Variants in TECPR2 observed in about 807,000 individuals in gnomAD.
TECPR2 encodes the protein tectonin beta-propeller repeat-containing protein 2.
Under a neutral mutation model 138.1 loss-of-function variants are expected in TECPR2, and 65 were observed. That is an observed-to-expected ratio of 0.47 (90% CI 0.39 to 0.58). The LOEUF is 0.58. Ranked by LOEUF, TECPR2 falls within the 20% of genes least tolerant of loss-of-function variation. The pLI, the probability that TECPR2 is intolerant of heterozygous loss-of-function variation, is 0.00. For synonymous variants in TECPR2, 746 were observed against 749.8 expected, an observed-to-expected ratio of 0.99 and a Z score of 0.08; for missense variants, 1,553 against 1,824.5, an observed-to-expected ratio of 0.85 and a Z score of 2.71.
At position 102,443,094 on chromosome 14, in the gene TECPR2, C is replaced by T. The variant is rs991654830; in HGVS notation, c.2753-553C>T. ...GCCGTGCTGGAGCTCTCTGCAGGAACGACTGCAGGCCTCAGGTCCCTGCCA... is the reference window on the plus strand; with the variant it reads ...GCCGTGCTGGAGCTCTCTGCAGGAATGACTGCAGGCCTCAGGTCCCTGCCA... On this transcript the variant is annotated intron_variant, in intron 11 of 19. Coordinates refer to ENST00000359520, the MANE Select transcript of TECPR2 (RefSeq NM_014844.5). The surrounding 1 kb of genome is among the most constrained non-coding windows in gnomAD (Gnocchi z 4.9). Among the ~76,000 whole-genome samples, 9 of 152,220 alleles carry T rather than the reference C, an allele frequency of 5.9e-5. No homozygotes were observed. Among genetic ancestry groups the T allele is most frequent in the African/African-American group, 2.2e-4 (9 of 41,466 alleles).
chr14:102,436,908 G>A (rs1889685132), intron 9 of TECPR2: 2 of 821,734 alleles, frequency 2.4e-6, no homozygotes, highest in Non-Finnish European at 2.9e-6. Flanking sequence ...GCAGACTGTC[G>A]GTGGGGTGGG....
chr14:102,498,949 C>CCACAGCACACCTCACCA lies in TECPR2; in HGVS notation c.*697_*713dup. On this transcript the variant is annotated 3_prime_UTR_variant, in exon 20 of 20. Transcript: ENST00000359520. ...CCATACCTCACCACATCTCACCACA[C>CCACAGCACACCTCACCA]CACAGCACACCTCACCACACAACAC... The CCACAGCACACCTCACCA allele has an allele frequency of 1.4e-6, 1 of 696,448 alleles. No individual in the cohort carries two copies. The highest frequency in any genetic ancestry group is 1.5e-5 in the South Asian group (1 of 66,684). The allele number at this position is 696,448 out of a possible 1,614,324, so 43.1% of individuals were successfully genotyped here.
At chr14:102,487,632 C>T (rs1026509100) in intron 17 of TECPR2, among the ~76,000 whole-genome samples, 2 of 152,170 alleles carry the variant, frequency 1.3e-5, no homozygotes, top group African/African-American at 2.4e-5. Context: ...AGCTCCGCCT[C>T]CCAGGTTCAC....
At chr14:102,498,026 C>CAAGCTCCCAGCTCCATCTGTGCCA in intron 19 of TECPR2, 77 bp from the exon 20 acceptor site, 1 of 1,558,388 alleles carries the variant, frequency 6.4e-7, no homozygotes, top group Admixed American at 1.8e-5. Flanking sequence ...GACCTGCGCC[C>CAAGCTCCCAGCTCCATCTGTGCCA]AAGCTCCCAG....
intron 17 of TECPR2, among the ~76,000 whole-genome samples, chr14:102,496,665 C>T (rs1567365718): frequency 6.6e-6 from 1 of 152,264 alleles, no homozygotes; most frequent in East Asian, 1.9e-4. Flanking sequence ...ACAGCCAGGT[C>T]CGCCGCATCT....
chr14:102,370,034 T>C (rs1887460988), intron 1 of TECPR2, among the ~76,000 whole-genome samples: 1 of 151,918 alleles, frequency 6.6e-6, no homozygotes, highest in Non-Finnish European at 1.5e-5. Flanking sequence ...CCCAAAGTAC[T>C]GGGATTACAG....
At chr14:102,440,008 T>G (rs574440533) in intron 10 of TECPR2, among the ~76,000 whole-genome samples, 2 of 152,254 alleles carry the variant, frequency 1.3e-5, no homozygotes, top group Non-Finnish European at 2.9e-5. Flanking sequence ...AAGGACTTTT[T>G]CAGCCTCTCC....
chr14:102,367,297 A>C (rs1465478438), intron 1 of TECPR2, among the ~76,000 whole-genome samples: 2 of 152,158 alleles, frequency 1.3e-5, no homozygotes, highest in Non-Finnish European at 2.9e-5. Context: ...TCACCCATTT[A>C]TATACAATTC....
intron 1 of TECPR2, among the ~76,000 whole-genome samples, chr14:102,371,214 G>A (rs984123584): frequency 2.0e-5 from 3 of 152,204 alleles, no homozygotes; most frequent in Admixed American, 1.3e-4. Context: ...AGACCTGGGG[G>A]TTGGGTGAGG....
At chr14:102,471,747 TCA>T (rs1890655766) in intron 17 of TECPR2, among the ~76,000 whole-genome samples, 1 of 152,150 alleles carries the variant, frequency 6.6e-6, no homozygotes, top group Admixed American at 6.5e-5. Flanking sequence ...GAATCTTCTC[TCA>T]TTTTTTCTTA....
chr14:102,400,255 G>T (rs767093103), intron 2 of TECPR2, among the ~76,000 whole-genome samples: 9 of 151,878 alleles, frequency 5.9e-5, no homozygotes, highest in Non-Finnish European at 1.2e-4. Flanking sequence ...CATGTTGGCC[G>T]GGCTGGTGTT....
chr14:102,476,854 A>G (rs1238139960), intron 17 of TECPR2, among the ~76,000 whole-genome samples: 1 of 151,952 alleles, frequency 6.6e-6, no homozygotes, highest in African/African-American at 2.4e-5. Flanking sequence ...CAGGAGTTCA[A>G]GACCAGCCTA....
chr14:102,402,499 G>GA (rs1888520320), intron 2 of TECPR2, among the ~76,000 whole-genome samples: 1 of 151,674 alleles, frequency 6.6e-6, no homozygotes, highest in Non-Finnish European at 1.5e-5. Flanking sequence ...AGAAAAGGAA[G>GA]AAAAACTAAA....
At chr14:102,490,638 T>C (rs1054826684) in intron 17 of TECPR2, among the ~76,000 whole-genome samples, 2 of 152,306 alleles carry the variant, frequency 1.3e-5, no homozygotes, top group Non-Finnish European at 2.9e-5. Flanking sequence ...GCGTCTGCTC[T>C]GAAAAGGTCC....
chr14:102,397,948 A>C (rs1416945508), intron 2 of TECPR2, among the ~76,000 whole-genome samples: 1 of 149,022 alleles, frequency 6.7e-6, no homozygotes, highest in Non-Finnish European at 1.5e-5. Context: ...TGGCACAAGC[A>C]TGTAGTCTCA....
At chr14:102,481,917 G>C (rs746856685) in intron 17 of TECPR2, among the ~76,000 whole-genome samples, 1 of 152,192 alleles carries the variant, frequency 6.6e-6, no homozygotes, top group Non-Finnish European at 1.5e-5. Context: ...TGCTTCCTGG[G>C]CACGGGCCTT....
chr14:102,389,408 AAG>A (rs1888105817), intron 2 of TECPR2, among the ~76,000 whole-genome samples: 1 of 152,210 alleles, frequency 6.6e-6, no homozygotes, highest in Non-Finnish European at 1.5e-5. Flanking sequence ...ACTAGTGGAA[AAG>A]AGGAAGCAAA....
At position 102,496,988 on chromosome 14, in the gene TECPR2, G is replaced by A. The variant is rs1468501416; in HGVS notation, c.3799G>A (p.Val1267Ile). The A allele has an allele frequency of 1.2e-6, 2 of 1,613,822 alleles. No homozygotes were observed. The highest frequency in any genetic ancestry group is 2.2e-5 in the East Asian group (1 of 44,896). ...MIEPPVQPAGVSLVSVHSSPN... is the reference protein window; with the variant it reads ...MIEPPVQPAGISLVSVHSSPN... ...CCCTTCCCGCTTCCAGCCCGCCGGG[G>A]TCAGCTTGGTCAGCGTCCATTCCAG... The change falls in exon 18 of 20, where the codon GTC (valine) becomes ATC (isoleucine). Residue 1267 changes from valine to isoleucine, a missense_variant. Coordinates refer to ENST00000359520, the MANE Select transcript of TECPR2 (RefSeq NM_014844.5).
At chr14:102,372,368 C>T (rs970771611) in intron 1 of TECPR2, among the ~76,000 whole-genome samples, 3 of 152,148 alleles carry the variant, frequency 2.0e-5, no homozygotes, top group Middle Eastern at 3.4e-3. Context: ...TGGGTTCAAG[C>T]GATTCTCCTG....
Sources: gnomAD v4.1 joint callset for allele counts (sites outside exome capture counted in the v4.1 genomes callset) on GRCh38, gnomAD v4.1.1 for gene constraint, Gnocchi (gnomAD v3.1) non-coding constraint, MANE v1.5 for transcripts, NCBI Gene and HGNC (gene_info 2026-07-23, HGNC 2026-07-21) for gene names.